CD46: variants seen among roughly 807,000 people sequenced by gnomAD.
CD46 encodes CD46 molecule, also known as membrane cofactor protein.
CD46 carries 30 observed loss-of-function variants against 53.3 expected under a neutral mutation model. The observed-to-expected ratio is 0.56, with a 90% CI of 0.42 to 0.76. The LOEUF (loss-of-function observed/expected upper bound fraction) is 0.76. Ranked by LOEUF, CD46 falls within the 30% of genes least tolerant of loss-of-function variation. The pLI is 0.00. For synonymous variants in CD46, 142 were observed against 152.0 expected (o/e 0.93, Z 0.48); for missense variants, 409 against 463.0 (o/e 0.88, Z 1.07).
chr1:207,789,091 C>T (rs1350053764), intron 11 of CD46, among the ~76,000 whole-genome samples: 2 of 152,170 alleles, frequency 1.3e-5, no homozygotes, highest in African/African-American at 4.8e-5. Flanking sequence ...CATGGCATGA[C>T]TGTGCTTCTG....
At chr1:207,777,771 C>A (rs984690768) in intron 8 of CD46, among the ~76,000 whole-genome samples, 3 of 152,062 alleles carry the variant, frequency 2.0e-5, no homozygotes, top group African/African-American at 7.2e-5. Context: ...ATCTTTATGG[C>A]AGAATGATTT....
rs779756529 is a variant in CD46, at chr1:207,795,190, A to G, written c.*1713A>G. 1.3e-5 allele frequency: 2 copies of G among 152,230 alleles called. No individual in the cohort carries two copies. Among genetic ancestry groups the G allele is most frequent in the Non-Finnish European group, 2.9e-5 (2 of 68,050 alleles). 9.4% of individuals were successfully genotyped at this position (152,230 alleles called of 1,614,324 possible). ...TATATTCAACCAAATACTTTAATGT[A>G]TAAAATAAATATTATACAATATACT... On this transcript the variant is annotated 3_prime_UTR_variant, in exon 13 of 13. Transcript: ENST00000367042.
At chr1:207,768,870 C>T (rs1050989687) in intron 7 of CD46, 2 of 152,230 alleles carry the variant, frequency 1.3e-5, no homozygotes, top group Non-Finnish European at 2.9e-5. Context: ...GAACTGAAAT[C>T]TCAATCACTG....
At chr1:207,784,381 C>CAAG (rs2102684960) in intron 9 of CD46, among the ~76,000 whole-genome samples, 1 of 152,242 alleles carries the variant, frequency 6.6e-6, no homozygotes, top group African/African-American at 2.4e-5. Flanking sequence ...TAATACTTTT[C>CAAG]AAAAATCATT....
intron 5 of CD46, among the ~76,000 whole-genome samples, chr1:207,763,506 C>T (rs767352330): frequency 2.0e-5 from 3 of 152,208 alleles, no homozygotes; most frequent in Non-Finnish European, 2.9e-5. Flanking sequence ...CACAGCCCTG[C>T]GCCCCTCATC....
chr1:207,791,113 G>A (rs1473733005), intron 12 of CD46, among the ~76,000 whole-genome samples: 1 of 152,206 alleles, frequency 6.6e-6, no homozygotes, highest in Non-Finnish European at 1.5e-5. Flanking sequence ...GGTTACAGGA[G>A]GAAAGGGAAA....
intron 5 of CD46, among the ~76,000 whole-genome samples, chr1:207,763,439 G>C (rs951092760): frequency 3.8e-4 from 58 of 152,324 alleles, no homozygotes; most frequent in African/African-American, 1.3e-3. Context: ...GCTGGTCTCA[G>C]TGGGAGCTAG....
At chr1:207,774,696 T>A (rs927768494) in intron 8 of CD46, among the ~76,000 whole-genome samples, 2 of 152,230 alleles carry the variant, frequency 1.3e-5, no homozygotes, top group African/African-American at 4.8e-5. Flanking sequence ...TCTTTAAGAA[T>A]GTTGAATATT....
chr1:207,766,053 A>C (rs1656808462), intron 5 of CD46, among the ~76,000 whole-genome samples: 1 of 152,216 alleles, frequency 6.6e-6, no homozygotes, highest in African/African-American at 2.4e-5. Flanking sequence ...TACTAAGAAG[A>C]CTGTAATTTC....
intron 11 of CD46, 67 bp from the exon 12 acceptor site, chr1:207,790,186 A>T: frequency 1.2e-6 from 1 of 817,978 alleles, no homozygotes; most frequent in Non-Finnish European, 2.2e-6. Context: ...CCCACTTGTT[A>T]TGCTACTCGT....
In CD46 at chr1:207,787,904, A is replaced by G. The variant is rs1043337661; in HGVS notation, c.1082+2222A>G. Among the ~76,000 whole-genome samples the G allele has an allele frequency of 2.8e-4, 43 of 152,250 alleles. 1 individual carries two copies. Among genetic ancestry groups the G allele is most frequent in the African/African-American group, 1.0e-3 (43 of 41,526 alleles). ...ATGTTTCTCTGACTTTAATGTGCACATTAGTCACCTGGAAATCTGTTAAAG... is the reference window on the plus strand; with the variant it reads ...ATGTTTCTCTGACTTTAATGTGCACGTTAGTCACCTGGAAATCTGTTAAAG... On this transcript the variant is annotated intron_variant, in intron 11 of 12. Transcript: ENST00000367042.
intron 2 of CD46, 89 bp from the exon 3 acceptor site, chr1:207,757,451 C>G (rs1329331707): frequency 1.2e-6 from 1 of 854,576 alleles, no homozygotes; most frequent in African/African-American, 1.7e-5. Flanking sequence ...TATATTCCCA[C>G]CCATTCAAAA....
rs1015394140 is a variant in CD46 at position 207,785,701 on chromosome 1, C to T, written c.1082+19C>T. On this transcript the variant is annotated intron_variant, in intron 11 of 12. Coordinates refer to ENST00000367042, the MANE Select transcript of CD46 (RefSeq NM_172351.3). Reference sequence around the variant, plus strand: ...AGAAAGGGTAAATTAAAGCATGTTTCTTTTAACTTCTTGGTCCTTCTTATA... The same window carrying T: ...AGAAAGGGTAAATTAAAGCATGTTTTTTTTAACTTCTTGGTCCTTCTTATA... The T allele has an allele frequency of 6.6e-7, 1 of 1,518,298 alleles. No individual in the cohort carries two copies. Among genetic ancestry groups the T allele is most frequent in the African/African-American group, 1.4e-5 (1 of 72,860 alleles). 94.1% of individuals were successfully genotyped at this position (1,518,298 alleles called of 1,614,324 possible).
At chr1:207,778,354 T>G (rs1367781443) in intron 8 of CD46, among the ~76,000 whole-genome samples, 1 of 152,016 alleles carries the variant, frequency 6.6e-6, no homozygotes, top group Non-Finnish European at 1.5e-5. Context: ...TCATGAAATC[T>G]TTGTCTGTTA....
chr1:207,785,530 G>T lies in CD46; in HGVS notation c.1019-89G>T. ...TTAAATAACATTTGACCACTGAAAT[G>T]TAACCAACATTTATTTCTTCTGCTA... On this transcript the variant is annotated intron_variant, in intron 10 of 12. Transcript: ENST00000367042. 5.3e-6 allele frequency: 5 copies of T among 949,368 alleles called. No individual in the cohort carries two copies. The Admixed American group carries it at 8.5e-5, about 16-fold the overall frequency. The allele number at this position is 949,368 out of a possible 1,614,324, so 58.8% of individuals were successfully genotyped here.
Position 207,752,152 on chromosome 1 carries a change from C to A in CD46, c.-61C>A. The A allele has an allele frequency of 1.3e-6, 2 of 1,495,270 alleles. No individual in the cohort carries two copies. The highest frequency in any genetic ancestry group is 2.3e-5 in the East Asian group (1 of 44,338). The allele number at this position is 1,495,270 out of a possible 1,614,324, so 92.6% of individuals were successfully genotyped here. A position where few individuals can be genotyped will look rare whatever the true frequency, so the allele number is the denominator to read the frequency against. On this transcript the variant is annotated 5_prime_UTR_variant, in exon 1 of 13. The change creates a premature stop within an existing upstream ORF in the 5' untranslated region. Transcript: ENST00000367042. The surrounding 1 kb of genome is among the most constrained non-coding windows in gnomAD (Gnocchi z 4.1). The stretch of plus-strand genomic sequence containing the variant: ...TGGACCCAGAAGGGACTTCCCTGCT[C>A]GGCTGGCTCTCGGTTTCTCTGCTTT...
At chr1:207,783,087 A>G (rs1658932214) in intron 8 of CD46, among the ~76,000 whole-genome samples, 1 of 152,124 alleles carries the variant, frequency 6.6e-6, no homozygotes, top group South Asian at 2.1e-4. Flanking sequence ...GGAAGAAGAA[A>G]GATTATGACA....
chr1:207,772,216 G>A (rs1325425335), intron 8 of CD46, among the ~76,000 whole-genome samples: 3 of 152,172 alleles, frequency 2.0e-5, no homozygotes, highest in African/African-American at 7.2e-5. Context: ...TATTATTGGT[G>A]TATAGGAATG....
intron 12 of CD46, among the ~76,000 whole-genome samples, 160 bp downstream of exon 12, chr1:207,790,505 A>T (rs1367066888): frequency 6.6e-6 from 1 of 152,206 alleles, no homozygotes; most frequent in Non-Finnish European, 1.5e-5. Context: ...ATGTGTTCTT[A>T]TACCATTCCC....
Sources: allele counts gnomAD v4.1 joint callset (sites outside exome capture counted in the v4.1 genomes callset), GRCh38; gene constraint gnomAD v4.1.1; non-coding constraint Gnocchi (gnomAD v3.1); transcripts MANE v1.5; gene names NCBI Gene and HGNC (gene_info 2026-07-23, HGNC 2026-07-21).